Variants in SLC16A7 observed in about 807,000 individuals in gnomAD.
The protein encoded by SLC16A7 is monocarboxylate transporter 2.
A neutral mutation model predicts 34.9 loss-of-function variants in SLC16A7; 33 were observed. The observed-to-expected ratio is 0.94, with a 90% CI of 0.72 to 1.26. The LOEUF is 1.26. Ranked by LOEUF, SLC16A7 falls within the 50% of genes most tolerant of loss-of-function variation. The pLI is 0.00. For missense variants in SLC16A7, 573 were observed against 578.1 expected, an observed-to-expected ratio of 0.99 and a Z score of 0.09; for synonymous variants, 201 against 206.6, an observed-to-expected ratio of 0.97 and a Z score of 0.23.
intron 1 of SLC16A7, among the ~76,000 whole-genome samples, chr12:59,601,360 T>TA (rs1287652387): frequency 6.6e-6 from 1 of 152,190 alleles, no homozygotes; most frequent in African/African-American, 2.4e-5. Context: ...AAAATAAAAC[T>TA]ACAAAGCATG....
intron 3 of SLC16A7, among the ~76,000 whole-genome samples, chr12:59,726,981 T>A (rs12823946): frequency 0.078 from 11,773 of 151,874 alleles, 551 homozygotes; most frequent in Middle Eastern, 0.18. Context: ...CAATAGTAAT[T>A]ATACTAAATT....
chr12:59,637,492 A>C (rs1480696566), intron 1 of SLC16A7, among the ~76,000 whole-genome samples: 6 of 149,496 alleles, frequency 4.0e-5, no homozygotes, highest in Non-Finnish European at 8.9e-5. Flanking sequence ...TCACCTTTGT[A>C]GGGTTAGAAA....
rs546649929 is a variant in SLC16A7, at chr12:59,637,996, C to T, written c.-129-17156C>T. ...ACCATGCTCTTGGGCTCCCCATTTC[C>T]AGAACTGTGAGCCAGATAAACTTCT... On this transcript the variant is annotated intron_variant, in intron 1 of 5. Transcript: ENST00000547379. Among the ~76,000 whole-genome samples the T allele has an allele frequency of 3.3e-5, 5 of 152,228 alleles. No individual in the cohort carries two copies. In the South Asian group the frequency reaches 1.0e-3, roughly 32 times the overall value.
intron 1 of SLC16A7, among the ~76,000 whole-genome samples, chr12:59,614,030 C>T (rs1353054303): frequency 6.6e-6 from 1 of 150,876 alleles, no homozygotes; most frequent in Non-Finnish European, 1.5e-5. Flanking sequence ...CATGTGCTCC[C>T]AGATAGTCTA....
chr12:59,622,065 T>A (rs1202877896), intron 1 of SLC16A7, among the ~76,000 whole-genome samples: 1 of 151,870 alleles, frequency 6.6e-6, no homozygotes, highest in African/African-American at 2.4e-5. Flanking sequence ...GTGAATGCAC[T>A]GTGGGCCTCC....
intron 1 of SLC16A7, among the ~76,000 whole-genome samples, chr12:59,603,351 GC>G (rs1878780442): frequency 6.6e-6 from 1 of 152,112 alleles, no homozygotes. Context: ...AGTCCAAACA[GC>G]TGTTCCATGT....
At chr12:59,667,673 TC>T (rs1869317473) in intron 2 of SLC16A7, among the ~76,000 whole-genome samples, 1 of 152,196 alleles carries the variant, frequency 6.6e-6, no homozygotes, top group African/African-American at 2.4e-5. Context: ...AAACCCATTT[TC>T]TGGGGAGAAG....
At chr12:59,699,152 GATAA>G (rs771417749) in intron 2 of SLC16A7, among the ~76,000 whole-genome samples, 6 of 151,394 alleles carry the variant, frequency 4.0e-5, no homozygotes, top group Non-Finnish European at 8.9e-5. Context: ...TTTGGCAAAT[GATAA>G]ATAGTTATTG....
At chr12:59,628,838 A>G (rs1880051514) in intron 1 of SLC16A7, among the ~76,000 whole-genome samples, 1 of 151,866 alleles carries the variant, frequency 6.6e-6, no homozygotes, top group African/African-American at 2.4e-5. Context: ...ATCCCTTAAG[A>G]CTACATTAGA....
chr12:59,616,392 G>T (rs1316495981), intron 1 of SLC16A7, among the ~76,000 whole-genome samples: 1 of 151,722 alleles, frequency 6.6e-6, no homozygotes, highest in Non-Finnish European at 1.5e-5. Context: ...CAATATTCTG[G>T]GTAGGCCATT....
intron 1 of SLC16A7, among the ~76,000 whole-genome samples, chr12:59,630,845 AAGG>A (rs993734804): frequency 1.2e-4 from 19 of 152,070 alleles, no homozygotes; most frequent in African/African-American, 4.3e-4. Flanking sequence ...TGGTATTCAC[AAGG>A]AGAAGGCCTT....
chr12:59,764,024 A>G (rs1297441636), intron 3 of SLC16A7: 3 of 152,184 alleles, frequency 2.0e-5, no homozygotes, highest in Non-Finnish European at 2.9e-5. Context: ...GTGGCTTCTA[A>G]GTGTTCAAGT....
intron 3 of SLC16A7, among the ~76,000 whole-genome samples, chr12:59,749,108 C>G (rs1450590218): frequency 6.6e-6 from 1 of 151,998 alleles, no homozygotes; most frequent in East Asian, 1.9e-4. Flanking sequence ...GAAAAAAATG[C>G]CACAAAGGAA....
chr12:59,678,132 G>C (rs1262757215), intron 2 of SLC16A7, among the ~76,000 whole-genome samples: 1 of 152,204 alleles, frequency 6.6e-6, no homozygotes, highest in East Asian at 1.9e-4. Flanking sequence ...CCCTGGCTCA[G>C]GGAACTCCTA....
intron 2 of SLC16A7, among the ~76,000 whole-genome samples, chr12:59,658,853 A>G (rs761071039): frequency 3.9e-5 from 6 of 152,090 alleles, no homozygotes; most frequent in Non-Finnish European, 5.9e-5. Context: ...TTGTCCATTT[A>G]TAACATGGTT....
At chr12:59,612,693 A>G (rs1454417725) in intron 1 of SLC16A7, among the ~76,000 whole-genome samples, 1 of 152,174 alleles carries the variant, frequency 6.6e-6, no homozygotes, top group African/African-American at 2.4e-5. Flanking sequence ...TTCTTCCACC[A>G]GATACCCTAA....
chr12:59,649,522 A>T (rs552590230), intron 1 of SLC16A7, among the ~76,000 whole-genome samples: 1 of 152,268 alleles, frequency 6.6e-6, no homozygotes, highest in Admixed American at 6.5e-5. Context: ...CTAAGTGAGG[A>T]TGACAATGTT....
At chr12:59,668,514 C>T (rs956539287) in intron 2 of SLC16A7, among the ~76,000 whole-genome samples, 3 of 152,122 alleles carry the variant, frequency 2.0e-5, no homozygotes, top group African/African-American at 7.2e-5. Context: ...CCAATTTCTA[C>T]ATTTAGAATG....
At chr12:59,653,744 A>T (rs1223575163) in intron 1 of SLC16A7, among the ~76,000 whole-genome samples, 6 of 151,706 alleles carry the variant, frequency 4.0e-5, no homozygotes, top group Non-Finnish European at 1.5e-5. Flanking sequence ...ATTGATTATC[A>T]GCCTAAAATT....
Sources: gnomAD v4.1 joint callset for allele counts (sites outside exome capture counted in the v4.1 genomes callset) on GRCh38, gnomAD v4.1.1 for gene constraint, MANE v1.5 for transcripts, NCBI Gene and HGNC (gene_info 2026-07-23, HGNC 2026-07-21) for gene names.